ARHGAP12: variants seen among roughly 807,000 people sequenced by gnomAD.
ARHGAP12 encodes rho GTPase-activating protein 12.
In ARHGAP12, 64 loss-of-function variants were observed where a neutral mutation model predicts 108.6. That is an observed-to-expected ratio of 0.59 (90% CI 0.48 to 0.73). The LOEUF is 0.73. Among genes scored for constraint, ARHGAP12 ranks in the 30% least tolerant of loss-of-function variants. ARHGAP12 has a pLI of 0.00. For missense variants in ARHGAP12, 940 were observed against 1,005.9 expected (o/e 0.93, Z 0.89); for synonymous variants, 312 against 337.2 (o/e 0.93, Z 0.82).
intron 3 of ARHGAP12, among the ~76,000 whole-genome samples, chr10:31,886,613 G>C (rs2799032): frequency 1.7e-4 from 26 of 152,036 alleles, no homozygotes; most frequent in Admixed American, 1.0e-3. Context: ...CCAAAAGATA[G>C]ATATACTCCA....
intron 6 of ARHGAP12, among the ~76,000 whole-genome samples, chr10:31,849,103 G>C (rs546051683): frequency 6.6e-6 from 1 of 151,714 alleles, no homozygotes; most frequent in East Asian, 1.9e-4. Flanking sequence ...TGAATACCAT[G>C]TTTTGATTCT....
At chr10:31,885,766 C>T (rs562624998) in intron 3 of ARHGAP12, among the ~76,000 whole-genome samples, 1 of 151,744 alleles carries the variant, frequency 6.6e-6, no homozygotes, top group South Asian at 2.1e-4. Context: ...TTGCAGTGAG[C>T]CAAGATCCCG....
intron 11 of ARHGAP12, among the ~76,000 whole-genome samples, chr10:31,823,958 A>T (rs1000602340): frequency 6.6e-6 from 1 of 152,302 alleles, no homozygotes; most frequent in Middle Eastern, 3.4e-3. Context: ...AGATCAACAA[A>T]GCTAGAATTC....
At chr10:31,836,381 T>C (rs941033445) in intron 9 of ARHGAP12, among the ~76,000 whole-genome samples, 1 of 151,946 alleles carries the variant, frequency 6.6e-6, no homozygotes, top group African/African-American at 2.4e-5. Flanking sequence ...AGTCAAATTG[T>C]AGACAAATAT....
chr10:31,848,341 A>T (rs938386600), intron 6 of ARHGAP12, among the ~76,000 whole-genome samples: 1 of 152,116 alleles, frequency 6.6e-6, no homozygotes, highest in Non-Finnish European at 1.5e-5. Context: ...GACCCAGCAA[A>T]ATTTGTTGAC....
intron 3 of ARHGAP12, among the ~76,000 whole-genome samples, chr10:31,871,001 A>G (rs1203111640): frequency 6.6e-6 from 1 of 152,112 alleles, no homozygotes; most frequent in East Asian, 1.9e-4. Flanking sequence ...GGACAAAACT[A>G]CTCTAATGAC....
At position 31,806,752 on chromosome 10, in the gene ARHGAP12, A is replaced by C. The variant is rs1834836551; in HGVS notation, c.*906T>G. Reference sequence around the variant, plus strand: ...AAATAACGGACTATTTCTGGAGGAAACCTAATATTCACAGAAAAGATTACC... The same window carrying C: ...AAATAACGGACTATTTCTGGAGGAACCCTAATATTCACAGAAAAGATTACC... On this transcript the variant is annotated 3_prime_UTR_variant, in exon 20 of 20. Coordinates refer to ENST00000344936, the MANE Select transcript of ARHGAP12 (RefSeq NM_018287.7). 6.6e-6 allele frequency: 1 copy of C among 152,614 alleles called. No homozygotes were observed. The highest frequency in any genetic ancestry group is 1.5e-5 in the Non-Finnish European group (1 of 68,010). 9.5% of individuals were successfully genotyped at this position (152,614 alleles called of 1,614,324 possible). A position where few individuals can be genotyped will look rare whatever the true frequency, so the allele number is the denominator to read the frequency against.
intron 3 of ARHGAP12, among the ~76,000 whole-genome samples, chr10:31,906,264 C>A (rs1205146597): frequency 6.6e-6 from 1 of 152,198 alleles, no homozygotes; most frequent in Non-Finnish European, 1.5e-5. Context: ...CAGTGACTCA[C>A]AGGAACCAAG....
At chr10:31,872,431 C>T (rs1837574698) in intron 3 of ARHGAP12, among the ~76,000 whole-genome samples, 2 of 152,100 alleles carry the variant, frequency 1.3e-5, no homozygotes, top group Non-Finnish European at 2.9e-5. Context: ...ATAGGAGTCA[C>T]TAATTCAAAT....
At chr10:31,844,426 T>C (rs770104013) in intron 6 of ARHGAP12, among the ~76,000 whole-genome samples, 13 of 152,220 alleles carry the variant, frequency 8.5e-5, no homozygotes, top group Non-Finnish European at 5.9e-5. Context: ...TTCATTTTTA[T>C]CATGTGAAAA....
intron 4 of ARHGAP12, among the ~76,000 whole-genome samples, chr10:31,858,955 C>T (rs1191798255): frequency 6.6e-6 from 1 of 151,994 alleles, no homozygotes; most frequent in African/African-American, 2.4e-5. Flanking sequence ...CTGCAACTGG[C>T]TCAGCAACTG....
chr10:31,808,762 A>G lies in ARHGAP12; in HGVS notation c.2264-11T>C, dbSNP rs758356681. The G allele has an allele frequency of 7.4e-6, 12 of 1,611,670 alleles. No homozygotes were observed. In the South Asian group the frequency reaches 1.3e-4, roughly 18 times the overall value. On this transcript the variant is annotated splice_polypyrimidine_tract_variant and intron_variant, in intron 18 of 19. Transcript: ENST00000344936. ...GTCTTGGTTCTTGCTCTGAAAAAAG[A>G]TAATAACCAGATATTTTACAGCAAA... is the stretch of plus-strand genomic sequence containing the variant.
At chr10:31,888,823 G>C (rs1223290433) in intron 3 of ARHGAP12, among the ~76,000 whole-genome samples, 1 of 152,180 alleles carries the variant, frequency 6.6e-6, no homozygotes, top group Admixed American at 6.5e-5. Context: ...AAGAAAAAGA[G>C]AGATTAATTT....
intron 6 of ARHGAP12, among the ~76,000 whole-genome samples, chr10:31,850,104 GA>G (rs1836617856): frequency 6.6e-6 from 1 of 152,130 alleles, no homozygotes; most frequent in Non-Finnish European, 1.5e-5. Context: ...CAGGGAATCA[GA>G]AACCACTATG....
chr10:31,813,191 A>G (rs1835082244), intron 14 of ARHGAP12, among the ~76,000 whole-genome samples: 1 of 152,160 alleles, frequency 6.6e-6, no homozygotes, highest in South Asian at 2.1e-4. Context: ...TGACCACCAA[A>G]AAGTAAAAAT....
chr10:31,861,666 A>T lies in ARHGAP12; in HGVS notation c.685-8T>A. ...ATTTGGAGGTGTGGTTGCCTGTGAAATAAACATTTTTAAATTTCATGTTTA... is the reference window on the plus strand; with the variant it reads ...ATTTGGAGGTGTGGTTGCCTGTGAATTAAACATTTTTAAATTTCATGTTTA... On this transcript the variant is annotated splice_region_variant and splice_polypyrimidine_tract_variant and intron_variant, in intron 3 of 19. Coordinates refer to ENST00000344936, the MANE Select transcript of ARHGAP12 (RefSeq NM_018287.7). 3.8e-6 allele frequency: 6 copies of T among 1,573,154 alleles called. No homozygotes were observed. Among genetic ancestry groups the T allele is most frequent in the Non-Finnish European group, 5.1e-6 (6 of 1,165,322 alleles).
chr10:31,834,598 C>T (rs1363381291), intron 9 of ARHGAP12, among the ~76,000 whole-genome samples: 2 of 152,160 alleles, frequency 1.3e-5, no homozygotes, highest in Non-Finnish European at 1.5e-5. Flanking sequence ...ATGCAAAGTA[C>T]AATTGTGTAT....
chr10:31,914,869 G>T (rs58247366), intron 1 of ARHGAP12, among the ~76,000 whole-genome samples: 7,764 of 152,128 alleles, frequency 0.051, 649 homozygotes, highest in African/African-American at 0.17. Flanking sequence ...TTCGAAATAG[G>T]CAAGATATAG....
intron 4 of ARHGAP12, among the ~76,000 whole-genome samples, chr10:31,854,682 A>AT (rs1836821246): frequency 6.6e-6 from 1 of 152,150 alleles, no homozygotes; most frequent in African/African-American, 2.4e-5. Flanking sequence ...CTATTTTTCT[A>AT]TAATTTGTGT....
Sources: allele counts gnomAD v4.1 joint callset (sites outside exome capture counted in the v4.1 genomes callset), GRCh38; gene constraint gnomAD v4.1.1; transcripts MANE v1.5; gene names NCBI Gene and HGNC (gene_info 2026-07-23, HGNC 2026-07-21).